The following RBFOX1 variants were observed in gnomAD, a reference collection of about 807,000 sequenced individuals.
RBFOX1 encodes RNA binding fox-1 homolog 1.
Under a neutral mutation model 57.7 loss-of-function variants are expected in RBFOX1, and 8 were observed. That is an observed-to-expected ratio of 0.14 (90% CI 0.08 to 0.25). The LOEUF is 0.25. Among genes scored for constraint, RBFOX1 ranks in the 10% least tolerant of loss-of-function variants. The pLI is 1.00. For missense variants in RBFOX1, 611 were observed against 548.5 expected, an observed-to-expected ratio of 1.11 and a Z score of -1.14; for synonymous variants, 326 against 222.4, an observed-to-expected ratio of 1.47 and a Z score of -4.15.
At chr16:7,255,814 A>G (rs1339146797) in intron 4 of RBFOX1, among the ~76,000 whole-genome samples, 5 of 152,180 alleles carry the variant, frequency 3.3e-5, no homozygotes, top group African/African-American at 1.2e-4. Context: ...CTAAATCTTC[A>G]ATGTACATTT....
chr16:7,500,549 G>C (rs1266438607), intron 4 of RBFOX1, among the ~76,000 whole-genome samples: 1 of 152,048 alleles, frequency 6.6e-6, no homozygotes, highest in African/African-American at 2.4e-5. Flanking sequence ...TAGACTTGTC[G>C]GGTCATATGG....
chr16:7,147,305 C>G lies in RBFOX1; in HGVS notation c.27+95207C>G, dbSNP rs374133269. Among the ~76,000 whole-genome samples, 24 of 149,444 alleles carry G rather than the reference C, an allele frequency of 1.6e-4. 1 individual carries two copies. The highest frequency in any genetic ancestry group is 4.4e-4 in the African/African-American group (18 of 40,534). On this transcript the variant is annotated intron_variant, in intron 4 of 15. Transcript: ENST00000550418. ...CAGGCATGAGCCACCACACCTGGCC[C>G]TATTTTTAATTTTTTTTTCAACTTT...
intron 2 of RBFOX1, among the ~76,000 whole-genome samples, chr16:5,524,116 A>G (rs928046474): frequency 2.0e-5 from 3 of 152,162 alleles, no homozygotes; most frequent in African/African-American, 7.2e-5. Context: ...ACAGGATGCA[A>G]TAAAGACACA....
intron 4 of RBFOX1, among the ~76,000 whole-genome samples, chr16:5,932,526 G>T (rs1469855413): frequency 6.6e-6 from 1 of 152,216 alleles, no homozygotes; most frequent in Non-Finnish European, 1.5e-5. Context: ...TGCCCTTACA[G>T]AACTGTGAGC....
intron 2 of RBFOX1, among the ~76,000 whole-genome samples, chr16:6,579,621 G>A (rs934764009): frequency 1.3e-5 from 2 of 152,146 alleles, no homozygotes; most frequent in African/African-American, 2.4e-5. Flanking sequence ...CTTCCGCCAC[G>A]ATTAGAAGTG....
intron 1 of RBFOX1, among the ~76,000 whole-genome samples, chr16:6,220,207 T>C (rs1350400260): frequency 6.6e-6 from 1 of 152,226 alleles, no homozygotes; most frequent in Non-Finnish European, 1.5e-5. Flanking sequence ...TGTGTATATG[T>C]ATATATACAT....
At chr16:5,905,506 G>A (rs1038129675) in intron 4 of RBFOX1, among the ~76,000 whole-genome samples, 1 of 152,124 alleles carries the variant, frequency 6.6e-6, no homozygotes, top group African/African-American at 2.4e-5. Flanking sequence ...GAGCCCAGGA[G>A]TTTTTGACCA....
chr16:6,450,767 G>GTGTATATA (rs1345156914), intron 2 of RBFOX1, among the ~76,000 whole-genome samples: 18 of 34,124 alleles, frequency 5.3e-4, no homozygotes, highest in African/African-American at 2.2e-3. Context: ...ATATATATGT[G>GTGTATATA]TATATATATA....
chr16:7,674,451 G>C (rs1311084600), intron 13 of RBFOX1, among the ~76,000 whole-genome samples: 2 of 152,154 alleles, frequency 1.3e-5, no homozygotes, highest in Admixed American at 1.3e-4. Flanking sequence ...TCTCCAAGTG[G>C]TCTACTGCAC....
chr16:6,663,774 A>C (rs1211469678), intron 3 of RBFOX1, among the ~76,000 whole-genome samples: 1 of 152,222 alleles, frequency 6.6e-6, no homozygotes, highest in Non-Finnish European at 1.5e-5. Context: ...AGCATCCCTG[A>C]GAAAGGGTAT....
intron 4 of RBFOX1, among the ~76,000 whole-genome samples, chr16:7,273,642 G>A (rs752728289): frequency 6.6e-6 from 1 of 152,162 alleles, no homozygotes; most frequent in Non-Finnish European, 1.5e-5. Flanking sequence ...GAAAATGTAA[G>A]AGAAACTGCC....
At chr16:7,158,339 C>G (rs979685977) in intron 4 of RBFOX1, among the ~76,000 whole-genome samples, 1 of 152,060 alleles carries the variant, frequency 6.6e-6, no homozygotes, top group Admixed American at 6.6e-5. Context: ...AGAGTGAACT[C>G]TGTCTCAAAA....
intron 4 of RBFOX1, among the ~76,000 whole-genome samples, chr16:7,468,447 C>G (rs1227372468): frequency 6.8e-6 from 1 of 147,474 alleles, no homozygotes; most frequent in Non-Finnish European, 1.5e-5. Context: ...TTTTGAGTCA[C>G]TCGGAGGGTG....
At chr16:6,750,715 T>C (rs2074765341) in intron 3 of RBFOX1, among the ~76,000 whole-genome samples, 1 of 152,224 alleles carries the variant, frequency 6.6e-6, no homozygotes. Flanking sequence ...TCGTCATTTA[T>C]TGCTAATGTT....
At chr16:5,388,592 A>G (rs1356692003) in intron 1 of RBFOX1, among the ~76,000 whole-genome samples, 5 of 151,936 alleles carry the variant, frequency 3.3e-5, no homozygotes, top group Admixed American at 3.3e-4. Context: ...GTATATATTT[A>G]CTGAGACAGA....
chr16:7,126,875 G>A (rs1358726433), intron 4 of RBFOX1, among the ~76,000 whole-genome samples: 2 of 152,078 alleles, frequency 1.3e-5, no homozygotes, highest in African/African-American at 2.4e-5. Context: ...TGGATGTGGT[G>A]GCAGGCACCT....
At chr16:5,852,516 C>G (rs981608623) in intron 3 of RBFOX1, among the ~76,000 whole-genome samples, 1 of 152,196 alleles carries the variant, frequency 6.6e-6, no homozygotes, top group African/African-American at 2.4e-5. Context: ...GGACTGCAGG[C>G]TGGCTCCGGA....
chr16:5,983,223 C>G (rs1390076276), intron 4 of RBFOX1, among the ~76,000 whole-genome samples: 1 of 152,190 alleles, frequency 6.6e-6, no homozygotes, highest in African/African-American at 2.4e-5. Context: ...GTCAGAAATC[C>G]TCAGAAAGTG....
chr16:5,677,260 C>T (rs2050196103), intron 3 of RBFOX1, among the ~76,000 whole-genome samples: 1 of 152,190 alleles, frequency 6.6e-6, no homozygotes, highest in African/African-American at 2.4e-5. Context: ...ATAGGTAGTT[C>T]TGCAAAGAAT....
Sources: gnomAD v4.1 joint callset for allele counts (sites outside exome capture counted in the v4.1 genomes callset) on GRCh38, gnomAD v4.1.1 for gene constraint, MANE v1.5 for transcripts, NCBI Gene and HGNC (gene_info 2026-07-23, HGNC 2026-07-21) for gene names.